GYPC: variants seen among roughly 807,000 people sequenced by gnomAD.
GYPC encodes glycophorin C (Gerbich blood group).
A neutral mutation model predicts 12.6 loss-of-function variants in GYPC; 14 were observed. The ratio of observed to expected loss-of-function variants is 1.11; its 90% CI spans 0.74 to 1.74. GYPC has a LOEUF of 1.74. Ranked by LOEUF, GYPC falls within the 40% of genes most tolerant of loss-of-function variation. The pLI is 0.00. For synonymous variants in GYPC, 78 were observed against 62.1 expected (o/e 1.26, Z -1.20); for missense variants, 225 against 172.1 (o/e 1.31, Z -1.72).
intron 2 of GYPC, 41 bp downstream of exon 2, chr2:126,690,352 C>T (rs370402856): frequency 2.8e-5 from 40 of 1,433,704 alleles, no homozygotes; most frequent in Middle Eastern, 1.7e-4. Flanking sequence ...TGGAAACTGC[C>T]GTGACTTCAG....
At chr2:126,695,216 C>G (rs1683607297) in intron 3 of GYPC, among the ~76,000 whole-genome samples, 1 of 152,214 alleles carries the variant, frequency 6.6e-6, no homozygotes, top group South Asian at 2.1e-4. Flanking sequence ...CATAGAGCAA[C>G]CAGCTCTGCC....
At chr2:126,670,208 C>T (rs1187385731) in intron 1 of GYPC, among the ~76,000 whole-genome samples, 1 of 152,366 alleles carries the variant, frequency 6.6e-6, no homozygotes, top group African/African-American at 2.4e-5. Context: ...CACGCCACTG[C>T]CCAGAGCTGC....
chr2:126,685,795 C>T (rs1683272221), intron 1 of GYPC: 11 of 985,094 alleles, frequency 1.1e-5, no homozygotes, highest in Non-Finnish European at 1.2e-5. Flanking sequence ...GTTGCTGCTG[C>T]ATCACTGTCA....
chr2:126,670,196 AGCACGC>A (rs1319020402), intron 1 of GYPC, among the ~76,000 whole-genome samples: 9 of 152,232 alleles, frequency 5.9e-5, no homozygotes, highest in Non-Finnish European at 2.9e-5. Flanking sequence ...CTTGTGCTGC[AGCACGC>A]CACTGCCCAG....
At chr2:126,666,207 G>A (rs1573558601) in intron 1 of GYPC, among the ~76,000 whole-genome samples, 2 of 152,158 alleles carry the variant, frequency 1.3e-5, no homozygotes, top group East Asian at 3.9e-4. Context: ...CTTCCCCCGG[G>A]GAAGGAGTGG....
intron 1 of GYPC, among the ~76,000 whole-genome samples, chr2:126,681,790 AAAAAG>A (rs202035502): frequency 0.15 from 21,442 of 147,548 alleles, 1,893 homozygotes; most frequent in East Asian, 0.38. Flanking sequence ...AAAAAAAAAA[AAAAAG>A]AAAGAAAGAA....
chr2:126,693,464 T>G (rs949255397), intron 2 of GYPC, among the ~76,000 whole-genome samples: 2 of 152,110 alleles, frequency 1.3e-5, no homozygotes, highest in African/African-American at 2.4e-5. Flanking sequence ...CAACACAAAA[T>G]GGACTGAGAC....
chr2:126,667,696 C>T (rs1414936750), intron 1 of GYPC, among the ~76,000 whole-genome samples: 1 of 152,216 alleles, frequency 6.6e-6, no homozygotes, highest in Non-Finnish European at 1.5e-5. Context: ...AGCCACCACG[C>T]CTGGCCTGTG....
chr2:126,681,382 G>T (rs993554630), intron 1 of GYPC, among the ~76,000 whole-genome samples: 2 of 152,072 alleles, frequency 1.3e-5, no homozygotes, highest in African/African-American at 4.8e-5. Flanking sequence ...CCCAAATATG[G>T]AACATTTAGA....
chr2:126,668,577 G>A (rs1338060187), intron 1 of GYPC, among the ~76,000 whole-genome samples: 2 of 152,200 alleles, frequency 1.3e-5, no homozygotes, highest in Non-Finnish European at 2.9e-5. Context: ...TTACCAATTA[G>A]TTCCATGAGA....
intron 3 of GYPC, 67 bp from the exon 4 acceptor site, chr2:126,695,879 T>C: frequency 7.8e-7 from 1 of 1,287,046 alleles, no homozygotes; most frequent in African/African-American, 1.5e-5. Context: ...CCTGTGGGTC[T>C]TGACCACCAT....
At chr2:126,684,183 G>C (rs1683225236) in intron 1 of GYPC, among the ~76,000 whole-genome samples, 1 of 152,152 alleles carries the variant, frequency 6.6e-6, no homozygotes, top group African/African-American at 2.4e-5. Flanking sequence ...AGACCTTCAG[G>C]GCAATCATTT....
At chr2:126,664,962 T>TCTCC (rs1682639643) in intron 1 of GYPC, among the ~76,000 whole-genome samples, 1 of 152,114 alleles carries the variant, frequency 6.6e-6, no homozygotes, top group Non-Finnish European at 1.5e-5. Context: ...TCTCTCTCTC[T>TCTCC]CTCTCTCTCT....
intron 1 of GYPC, among the ~76,000 whole-genome samples, chr2:126,689,042 A>C (rs916231214): frequency 2.0e-5 from 3 of 152,342 alleles, no homozygotes; most frequent in East Asian, 1.9e-4. Context: ...AGGAAACATC[A>C]GGTCCCCAAT....
rs376620287 is a variant in GYPC, at chr2:126,690,329, A to G, written c.106+18A>G. On this transcript the variant is annotated intron_variant, in intron 2 of 3. Coordinates refer to ENST00000259254, the MANE Select transcript of GYPC (RefSeq NM_002101.5). ...CATTGCAGGTGAGTTCTCATCACAG[A>G]GCCTCACCATAATGGAAACTGCCGT... The G allele has an allele frequency of 2.3e-5, 37 of 1,578,836 alleles. No homozygotes were observed. The African/African-American group carries it at 4.3e-4, about 18-fold the overall frequency.
intron 1 of GYPC, among the ~76,000 whole-genome samples, chr2:126,689,024 G>A (rs1683371506): frequency 6.6e-6 from 1 of 152,206 alleles, no homozygotes; most frequent in African/African-American, 2.4e-5. Context: ...ATTCTGTGCA[G>A]CAGCTCTAGG....
At chr2:126,685,958 C>T (rs1333583027) in intron 1 of GYPC, 2 of 985,292 alleles carry the variant, frequency 2.0e-6, no homozygotes, top group South Asian at 4.7e-5. Context: ...TCCCCTCCTT[C>T]GAGCCCTCAC....
intron 1 of GYPC, among the ~76,000 whole-genome samples, chr2:126,666,781 A>G (rs1300241259): frequency 6.8e-6 from 1 of 148,070 alleles, no homozygotes; most frequent in East Asian, 2.0e-4. Flanking sequence ...ACACAAGCAC[A>G]CACACATTTC....
intron 1 of GYPC, among the ~76,000 whole-genome samples, chr2:126,656,562 G>T (rs1682363021): frequency 6.6e-6 from 1 of 152,274 alleles, no homozygotes; most frequent in Non-Finnish European, 1.5e-5. Context: ...AGCTGGAGAA[G>T]CCGCCAGCCC....
Sources: gnomAD v4.1 joint callset for allele counts (sites outside exome capture counted in the v4.1 genomes callset) on GRCh38, gnomAD v4.1.1 for gene constraint, MANE v1.5 for transcripts, NCBI Gene and HGNC (gene_info 2026-07-23, HGNC 2026-07-21) for gene names.